The following SYNE1 variants were observed in gnomAD, a reference collection of about 807,000 sequenced individuals.
SYNE1 encodes nesprin-1.
In SYNE1, 616 loss-of-function variants were observed where a neutral mutation model predicts 1,111.0. That is an observed-to-expected ratio of 0.55 (90% CI 0.52 to 0.59). The LOEUF (loss-of-function observed/expected upper bound fraction) is 0.59. SYNE1 is among the 20% of genes least tolerant of loss of function. The pLI, the probability that SYNE1 is intolerant of heterozygous loss-of-function variation, is 0.00. For missense variants in SYNE1, 10,006 were observed against 10,417.0 expected (o/e 0.96, Z 1.72); for synonymous variants, 3,855 against 3,825.8 (o/e 1.01, Z -0.28).
At chr6:152,619,687 A>G (rs1184948982) in intron 3 of SYNE1, among the ~76,000 whole-genome samples, 1 of 152,152 alleles carries the variant, frequency 6.6e-6, no homozygotes, top group East Asian at 1.9e-4. Flanking sequence ...GGAGACGTCT[A>G]AGGGGAGGGT....
intron 78 of SYNE1, among the ~76,000 whole-genome samples, chr6:152,327,276 AAAACAAAC>A (rs35111293): frequency 1.3e-5 from 2 of 151,820 alleles, no homozygotes; most frequent in African/African-American, 2.4e-5. Flanking sequence ...TGTCTCTCAA[AAAACAAAC>A]AAACAAACAA....
rs983030969 is a variant in SYNE1 at position 152,122,330 on chromosome 6, C to T, written c.*106G>A. ...TGGAGGAGGGCTAAAGCTGCCACAC[C>T]GAGGGCTTTCGCCAAGATCAAGGTC... On this transcript the variant is annotated 3_prime_UTR_variant, in exon 146 of 146. Coordinates refer to ENST00000367255, the MANE Select transcript of SYNE1 (RefSeq NM_182961.4). 3.5e-5 allele frequency: 55 copies of T among 1,589,730 alleles called. No homozygotes were observed. In the Admixed American group the frequency reaches 5.3e-4, roughly 15 times the overall value.
chr6:152,217,019 T>C (rs684321), intron 121 of SYNE1, among the ~76,000 whole-genome samples: 100,643 of 147,776 alleles, frequency 0.68, 34,505 homozygotes, highest in East Asian at 0.86. Flanking sequence ...GCCGAGATCG[T>C]GCCACTGCAC....
At chr6:152,384,689 A>G (rs969438524) in intron 55 of SYNE1, among the ~76,000 whole-genome samples, 1 of 152,138 alleles carries the variant, frequency 6.6e-6, no homozygotes, top group Non-Finnish European at 1.5e-5. Flanking sequence ...CAGCCTGGCC[A>G]ACATGGTGAA....
chr6:152,131,786 A>G (rs1025984047), intron 144 of SYNE1, among the ~76,000 whole-genome samples: 8 of 152,154 alleles, frequency 5.3e-5, no homozygotes, highest in African/African-American at 1.7e-4. Flanking sequence ...ACCTTTTAAG[A>G]TAGTCGTGGC....
rs1482477875 is a variant in SYNE1, at chr6:152,202,677, C to A, written c.23020-728G>T. Among the ~76,000 whole-genome samples, 3 of 152,092 alleles carry A rather than the reference C, an allele frequency of 2.0e-5. No individual in the cohort carries two copies. The East Asian group carries it at 5.8e-4, about 29-fold the overall frequency. ...TGTTATCTGAATCCACATCTATCTGCAGAGGTAGGACTATAATCTCAGTAC... is the reference window on the plus strand; with the variant it reads ...TGTTATCTGAATCCACATCTATCTGAAGAGGTAGGACTATAATCTCAGTAC... On this transcript the variant is annotated intron_variant, in intron 126 of 145. Coordinates refer to ENST00000367255, the MANE Select transcript of SYNE1 (RefSeq NM_182961.4).
chr6:152,513,173 T>G (rs1393106897), intron 6 of SYNE1, among the ~76,000 whole-genome samples: 1 of 152,210 alleles, frequency 6.6e-6, no homozygotes, highest in African/African-American at 2.4e-5. Context: ...CTGGCCCATG[T>G]AATCTGGAGA....
At chr6:152,298,067 A>T (rs1271972363) in intron 93 of SYNE1, among the ~76,000 whole-genome samples, 1 of 152,220 alleles carries the variant, frequency 6.6e-6, no homozygotes, top group Admixed American at 6.5e-5. Context: ...AAGACTTATG[A>T]GTAGATTCCT....
intron 137 of SYNE1, chr6:152,144,046 C>T (rs2059011882): frequency 4.4e-6 from 2 of 452,794 alleles, no homozygotes; most frequent in Non-Finnish European, 4.1e-6. Flanking sequence ...CCTCTTCCAG[C>T]TGAACCCCTG....
At chr6:152,615,034 G>A (rs1421118971) in intron 3 of SYNE1, among the ~76,000 whole-genome samples, 1 of 152,098 alleles carries the variant, frequency 6.6e-6, no homozygotes, top group South Asian at 2.1e-4. Context: ...TAATGTAAAT[G>A]ACAAGTTGAT....
intron 3 of SYNE1, among the ~76,000 whole-genome samples, chr6:152,605,011 AGAGAGAGAGAG>A (rs2099609259): frequency 1.2e-4 from 5 of 42,978 alleles, no homozygotes; most frequent in African/African-American, 5.1e-4. Flanking sequence ...AAAGAAAGAG[AGAGAGAGAGAG>A]AGAGAGAGAG....
chr6:152,130,001 A>G (rs2054987635), intron 145 of SYNE1, among the ~76,000 whole-genome samples: 1 of 152,186 alleles, frequency 6.6e-6, no homozygotes, highest in Admixed American at 6.5e-5. Context: ...AAGCACTGCT[A>G]ACTGCGGGAG....
At chr6:152,527,096 G>A (rs1025415526) in intron 4 of SYNE1, among the ~76,000 whole-genome samples, 1 of 152,116 alleles carries the variant, frequency 6.6e-6, no homozygotes, top group African/African-American at 2.4e-5. Context: ...ATAGCTTTCT[G>A]ATTCTTACTG....
intron 127 of SYNE1, among the ~76,000 whole-genome samples, chr6:152,199,922 T>C (rs758093929): frequency 1.2e-4 from 18 of 152,292 alleles, no homozygotes; most frequent in Non-Finnish European, 2.2e-4. Flanking sequence ...TTTTGGGAGA[T>C]AAAAAATGAC....
intron 3 of SYNE1, among the ~76,000 whole-genome samples, chr6:152,619,328 AT>A (rs2099669913): frequency 6.6e-6 from 1 of 152,150 alleles, no homozygotes; most frequent in South Asian, 2.1e-4. Context: ...CTGATCCAAC[AT>A]AAACAGGGTC....
intron 3 of SYNE1, among the ~76,000 whole-genome samples, chr6:152,589,037 C>T (rs537959228): frequency 1.3e-5 from 2 of 152,046 alleles, no homozygotes; most frequent in Admixed American, 6.6e-5. Flanking sequence ...GCAACCTCTA[C>T]CTCCCTGGTT....
rs558420338 is a variant in SYNE1, at chr6:152,515,397, G to A, written c.310-4294C>T. On this transcript the variant is annotated intron_variant, in intron 6 of 145. Transcript: ENST00000367255. Reference sequence around the variant, plus strand: ...GTTGCTTTCTACAATGAGGTATCAGGTACCTCATTCTCAACAATAATGCAA... The same window carrying A: ...GTTGCTTTCTACAATGAGGTATCAGATACCTCATTCTCAACAATAATGCAA... Among the ~76,000 whole-genome samples, 31 of 152,050 alleles carry A rather than the reference G, an allele frequency of 2.0e-4. No homozygotes were observed. In the South Asian group the frequency reaches 5.0e-3, roughly 24 times the overall value.
chr6:152,450,935 G>T (rs1172269000), intron 26 of SYNE1, 102 bp from the exon 27 acceptor site: 3 of 1,592,038 alleles, frequency 1.9e-6, no homozygotes, highest in African/African-American at 2.7e-5. Flanking sequence ...AGACTACCAA[G>T]GTAGAGTAAT....
At chr6:152,174,366 A>C (rs1466167816) in intron 130 of SYNE1, among the ~76,000 whole-genome samples, 2 of 151,912 alleles carry the variant, frequency 1.3e-5, no homozygotes, top group African/African-American at 4.8e-5. Flanking sequence ...ATTTGTTGAA[A>C]CTCCGAGACC....
Sources: allele counts gnomAD v4.1 joint callset (sites outside exome capture counted in the v4.1 genomes callset), GRCh38; gene constraint gnomAD v4.1.1; transcripts MANE v1.5; gene names NCBI Gene and HGNC (gene_info 2026-07-23, HGNC 2026-07-21).